The following NAV2 variants were observed in gnomAD, a reference collection of about 807,000 sequenced individuals.
NAV2 encodes neuron navigator 2.
NAV2 carries 54 observed loss-of-function variants against 223.2 expected under a neutral mutation model. That is an observed-to-expected ratio of 0.24 (90% CI 0.19 to 0.30). The LOEUF (loss-of-function observed/expected upper bound fraction) is 0.30. Ranked by LOEUF, NAV2 falls within the 10% of genes least tolerant of loss-of-function variation. The probability of loss-of-function intolerance (pLI) is 1.00; values close to 1 mark genes in which losing one functional copy is unlikely to be tolerated. For synonymous variants in NAV2, 1,279 were observed against 1,239.3 expected (o/e 1.03, Z -0.67); for missense variants, 2,806 against 3,147.5 (o/e 0.89, Z 2.60).
chr11:19,514,248 GA>G, intron 1 of NAV2, among the ~76,000 whole-genome samples: 1 of 152,176 alleles, frequency 6.6e-6, no homozygotes, highest in East Asian at 1.9e-4. Context: ...CCTCTAGCAG[GA>G]AAATCTTAAT....
At chr11:19,349,761 A>G (rs926481267), upstream of NAV2, among the ~76,000 whole-genome samples, 7 of 152,042 alleles carry the variant, frequency 4.6e-5, 1 homozygote, top group Non-Finnish European at 7.4e-5. Context: ...GGGAGGGTGT[A>G]CCAAGTGTGA....
chr11:19,529,070 A>G (rs1354229512), intron 1 of NAV2, among the ~76,000 whole-genome samples: 1 of 152,242 alleles, frequency 6.6e-6, no homozygotes, highest in East Asian at 1.9e-4. Flanking sequence ...GTGCACACAC[A>G]CACACACACT....
chr11:20,095,638 T>G, intron 29 of NAV2, 34 bp from the exon 30 acceptor site: 1 of 1,478,546 alleles, frequency 6.8e-7, no homozygotes, highest in Non-Finnish European at 9.5e-7. Flanking sequence ...AAGATCCACC[T>G]GTTTTTCACC....
At position 19,879,997 on chromosome 11, in the gene NAV2, G is replaced by T. The variant is rs757135349; in HGVS notation, c.640G>T (p.Ala214Ser). The change falls in exon 5 of 38, where the codon GCC becomes TCC. Residue 214 changes from alanine (A) to serine (S), a missense_variant. Coordinates refer to ENST00000349880, the MANE Select transcript of NAV2 (RefSeq NM_145117.5). Reference sequence around the variant, plus strand: ...TCTGCCGCCCGCCGTATCCCAGGTGGCCGGGGCCCCCTCCCAGTGCCAGGC... The same window carrying T: ...TCTGCCGCCCGCCGTATCCCAGGTGTCCGGGGCCCCCTCCCAGTGCCAGGC... ...SPLPPAVSQV[A>S]GAPSQCQAGT... 3 of 1,613,780 alleles carry T rather than the reference G, an allele frequency of 1.9e-6. No individual in the cohort carries two copies. Among genetic ancestry groups the T allele is most frequent in the East Asian group, 2.2e-5 (1 of 44,856 alleles).
intron 25 of NAV2, 106 bp from the exon 26 acceptor site, chr11:20,082,901 G>T: frequency 9.0e-7 from 1 of 1,113,752 alleles, no homozygotes; most frequent in Non-Finnish European, 1.3e-6. Context: ...TTGGTGGGGG[G>T]AAAAACATGG....
intron 11 of NAV2, among the ~76,000 whole-genome samples, chr11:20,015,880 G>A (rs2053959981): frequency 6.6e-6 from 1 of 152,192 alleles, no homozygotes; most frequent in Non-Finnish European, 1.5e-5. Context: ...GGCCCACTAA[G>A]TGTCTTAGTG....
At chr11:19,408,029 A>G (rs1162649392) in intron 1 of NAV2, among the ~76,000 whole-genome samples, 1 of 152,132 alleles carries the variant, frequency 6.6e-6, no homozygotes, top group Non-Finnish European at 1.5e-5. Context: ...GACTTTGTGC[A>G]CATTTCCCTA....
intron 1 of NAV2, among the ~76,000 whole-genome samples, chr11:19,525,304 C>T (rs1295596955): frequency 6.6e-6 from 1 of 152,206 alleles, no homozygotes; most frequent in Non-Finnish European, 1.5e-5. Flanking sequence ...CCCTTTCCTA[C>T]ACCATGTTTC....
intron 1 of NAV2, among the ~76,000 whole-genome samples, chr11:19,769,672 A>C (rs1409522755): frequency 6.6e-6 from 1 of 152,202 alleles, no homozygotes; most frequent in Non-Finnish European, 1.5e-5. Context: ...TGGGAGGATT[A>C]AGATCCCTAA....
Position 19,825,282 on chromosome 11 carries a change from ACT to A in NAV2, c.268-7199_268-7198del, listed in dbSNP as rs1181138343. Among the ~76,000 whole-genome samples the A allele has an allele frequency of 4.5e-5, 5 of 110,536 alleles. No homozygotes were observed. In the East Asian group the frequency reaches 1.5e-3, roughly 34 times the overall value. 72.5% of individuals were successfully genotyped at this position (110,536 alleles called of 152,430 possible). A position where few individuals can be genotyped will look rare whatever the true frequency, so the allele number is the denominator to read the frequency against. On this transcript the variant is annotated intron_variant, in intron 1 of 37. Coordinates refer to ENST00000349880, the MANE Select transcript of NAV2 (RefSeq NM_145117.5). Reference sequence around the variant, plus strand: ...ACTCCAGCCTGGGAGACAGAGTGAGACTCTGTCTCAAAAAAAAAAAAAAAAAA... The same window carrying A: ...ACTCCAGCCTGGGAGACAGAGTGAGACTGTCTCAAAAAAAAAAAAAAAAAA...
intron 1 of NAV2, among the ~76,000 whole-genome samples, chr11:19,482,809 T>C (rs2042321250): frequency 6.6e-6 from 1 of 152,256 alleles, no homozygotes; most frequent in South Asian, 2.1e-4. Flanking sequence ...TTTAAGGCAG[T>C]TGGGATCAAT....
intron 1 of NAV2, among the ~76,000 whole-genome samples, chr11:19,412,223 T>G (rs1850175082): frequency 6.6e-6 from 1 of 152,168 alleles, no homozygotes; most frequent in African/African-American, 2.4e-5. Flanking sequence ...CCTGGGATGC[T>G]CAAGCTTGGT....
intron 25 of NAV2, among the ~76,000 whole-genome samples, chr11:20,081,448 C>A (rs1276579617): frequency 6.6e-6 from 1 of 152,222 alleles, no homozygotes; most frequent in Non-Finnish European, 1.5e-5. Context: ...ACAACTCCCG[C>A]TTATCAGTCA....
chr11:20,071,634 G>A (rs1028340820), intron 22 of NAV2, among the ~76,000 whole-genome samples: 2 of 129,138 alleles, frequency 1.5e-5, no homozygotes, highest in African/African-American at 6.8e-5. Flanking sequence ...GTTGTTCCTT[G>A]ACTTTTTAAT....
chr11:19,349,450 C>A (rs1416461888), upstream of NAV2, among the ~76,000 whole-genome samples: 1 of 152,164 alleles, frequency 6.6e-6, no homozygotes, highest in East Asian at 1.9e-4. Flanking sequence ...CGGCCTTATT[C>A]CAAAGTAGCC....
chr11:19,588,025 A>G (rs923406253), intron 1 of NAV2, among the ~76,000 whole-genome samples: 2 of 152,222 alleles, frequency 1.3e-5, no homozygotes, highest in African/African-American at 4.8e-5. Context: ...TTGCCCTTAG[A>G]TCAGTGTCTA....
chr11:19,704,406 C>T (rs900889273), intron 1 of NAV2, among the ~76,000 whole-genome samples: 1 of 152,182 alleles, frequency 6.6e-6, no homozygotes, highest in African/African-American at 2.4e-5. Context: ...ATTATGATGG[C>T]TATTCCTTTG....
chr11:19,912,549 C>T (rs561835107), intron 6 of NAV2, among the ~76,000 whole-genome samples: 1 of 152,306 alleles, frequency 6.6e-6, no homozygotes, highest in Admixed American at 6.5e-5. Context: ...AACAGAGATG[C>T]ATTAAATGAA....
intron 10 of NAV2, among the ~76,000 whole-genome samples, chr11:19,964,809 C>CCT (rs71443743): frequency 3.5e-5 from 2 of 57,526 alleles, no homozygotes; most frequent in African/African-American, 1.5e-4. Context: ...CCTCATTCTA[C>CCT]TTTTTTTTTT....
Sources: allele counts gnomAD v4.1 joint callset (sites outside exome capture counted in the v4.1 genomes callset), GRCh38; gene constraint gnomAD v4.1.1; transcripts MANE v1.5; gene names NCBI Gene and HGNC (gene_info 2026-07-23, HGNC 2026-07-21).